The following LOXHD1 variants were observed in gnomAD, a reference collection of about 807,000 sequenced individuals.
The protein encoded by LOXHD1 is lipoxygenase homology PLAT domains 1, also known as lipoxygenase homology domain-containing protein 1.
LOXHD1 carries 205 observed loss-of-function variants against 248.2 expected under a neutral mutation model. The observed-to-expected ratio is 0.83, with a 90% CI of 0.74 to 0.93. The LOEUF (loss-of-function observed/expected upper bound fraction) is 0.93, where lower values mean the gene tolerates loss of function less well. LOXHD1 is among the 40% of genes least tolerant of loss of function. LOXHD1 has a pLI of 0.00. For missense variants in LOXHD1, 2,930 were observed against 2,971.6 expected, an observed-to-expected ratio of 0.99 and a Z score of 0.33; for synonymous variants, 1,113 against 1,162.8, an observed-to-expected ratio of 0.96 and a Z score of 0.87.
chr18:46,529,939 G>C (rs1054305924), intron 28 of LOXHD1, among the ~76,000 whole-genome samples: 1 of 152,120 alleles, frequency 6.6e-6, no homozygotes, highest in Non-Finnish European at 1.5e-5. Flanking sequence ...CATAGGGAGG[G>C]CTCAGTAAAT....
rs2143955034 is a variant in LOXHD1 at position 46,509,693 on chromosome 18, T to C, written c.5517+5A>G. On this transcript the variant is annotated splice_donor_5th_base_variant and intron_variant, in intron 35 of 40. Transcript: ENST00000642948. ...GAAGGAAGAGTGAGGGTCTAGACAT[T>C]TTACCCTCTCCAGGAACCACTCCGG... is the stretch of plus-strand genomic sequence containing the variant. The C allele has an allele frequency of 1.3e-6, 2 of 1,547,942 alleles. No homozygotes were observed. Among genetic ancestry groups the C allele is most frequent in the East Asian group, 2.4e-5 (1 of 40,882 alleles).
At chr18:46,566,525 A>C in intron 16 of LOXHD1, 76 bp from the exon 17 acceptor site, 3 of 1,289,322 alleles carry the variant, frequency 2.3e-6, no homozygotes, top group Non-Finnish European at 2.2e-6. Flanking sequence ...TACCTCCCCA[A>C]ACACCAGCAC....
chr18:46,632,283 T>G (rs551217207), intron 4 of LOXHD1, among the ~76,000 whole-genome samples: 19 of 152,324 alleles, frequency 1.2e-4, no homozygotes, highest in African/African-American at 4.6e-4. Context: ...GGCCTGGCAC[T>G]CTGAGCCATG....
At chr18:46,550,578 T>TAAAAAAAAAAAAAAA (rs1568173687) in intron 21 of LOXHD1, among the ~76,000 whole-genome samples, 1 of 16,290 alleles carries the variant, frequency 6.1e-5, no homozygotes, top group Non-Finnish European at 2.3e-4. Flanking sequence ...AGACTCCGTC[T>TAAAAAAAAAAAAAAA]CAAAAAAAAA....
intron 19 of LOXHD1, 35 bp downstream of exon 19, chr18:46,560,048 T>TGCCTGCCC: frequency 2.0e-5 from 25 of 1,226,296 alleles, no homozygotes; most frequent in African/African-American, 3.3e-5. Context: ...GTCTGGCCAC[T>TGCCTGCCC]CCCTCCCCAC....
At chr18:46,592,297 C>T (rs544760651) in intron 11 of LOXHD1, among the ~76,000 whole-genome samples, 4 of 152,188 alleles carry the variant, frequency 2.6e-5, no homozygotes, top group Admixed American at 6.5e-5. Flanking sequence ...AACACCTGAG[C>T]GTTTTCTTAA....
chr18:46,574,419 A>ACACACACACC (rs1357990413), intron 14 of LOXHD1, among the ~76,000 whole-genome samples: 15 of 148,924 alleles, frequency 1.0e-4, no homozygotes, highest in African/African-American at 3.8e-4. Context: ...ACACACACAC[A>ACACACACACC]CCTGATCCTA....
At chr18:46,630,292 C>G (rs2038803379) in intron 4 of LOXHD1, among the ~76,000 whole-genome samples, 2 of 152,356 alleles carry the variant, frequency 1.3e-5, no homozygotes, top group South Asian at 4.1e-4. Context: ...GAGCCTTCCC[C>G]AGGCAGTATG....
chr18:46,525,008 C>T, intron 29 of LOXHD1, 91 bp from the exon 30 acceptor site: 1 of 1,409,926 alleles, frequency 7.1e-7, no homozygotes, highest in Non-Finnish European at 9.7e-7. Flanking sequence ...CCTTCCCCCT[C>T]AGTTGCTGCA....
chr18:46,511,197 C>T (rs2034938494), intron 34 of LOXHD1, among the ~76,000 whole-genome samples: 1 of 152,178 alleles, frequency 6.6e-6, no homozygotes, highest in African/African-American at 2.4e-5. Flanking sequence ...CCCCAATTAA[C>T]CTGGATGGAC....
intron 20 of LOXHD1, among the ~76,000 whole-genome samples, chr18:46,558,285 G>A (rs2037421141): frequency 6.6e-6 from 1 of 152,142 alleles, no homozygotes; most frequent in African/African-American, 2.4e-5. Context: ...CAGATACCAT[G>A]ATTCTTCATC....
chr18:46,640,333 T>C (rs2038947227), intron 3 of LOXHD1, among the ~76,000 whole-genome samples: 1 of 152,162 alleles, frequency 6.6e-6, no homozygotes, highest in Non-Finnish European at 1.5e-5. Context: ...GCCTCTCCCA[T>C]TGCTGTGAGA....
At chr18:46,485,197 C>G (rs761482340) in intron 38 of LOXHD1, 46 bp from the exon 39 acceptor site, 1 of 1,527,050 alleles carries the variant, frequency 6.5e-7, no homozygotes, top group African/African-American at 1.4e-5. Flanking sequence ...GGAAGCAGTG[C>G]CCGTCTTCAG....
chr18:46,485,920 C>T (rs1282200551), intron 38 of LOXHD1, among the ~76,000 whole-genome samples: 1 of 151,980 alleles, frequency 6.6e-6, no homozygotes, highest in Admixed American at 6.6e-5. Context: ...GTGTGCTCCT[C>T]CCTAGAGCTC....
At chr18:46,501,398 T>C (rs991040898) in intron 37 of LOXHD1, among the ~76,000 whole-genome samples, 15 of 152,214 alleles carry the variant, frequency 9.9e-5, no homozygotes, top group African/African-American at 3.4e-4. Flanking sequence ...AGTGAGTTCA[T>C]TGTTTTAAAA....
At chr18:46,545,576 T>C (rs2144403865) in intron 22 of LOXHD1, among the ~76,000 whole-genome samples, 155 bp from the exon 23 acceptor site, 1 of 151,760 alleles carries the variant, frequency 6.6e-6, no homozygotes, top group Middle Eastern at 3.4e-3. Flanking sequence ...CCTGTATCTG[T>C]GAGCCCAGTG....
chr18:46,484,878 T>C (rs1456176604), intron 39 of LOXHD1, 141 bp downstream of exon 39: 2 of 1,036,616 alleles, frequency 1.9e-6, no homozygotes, highest in Non-Finnish European at 2.8e-6. Flanking sequence ...TTGCACAGGA[T>C]TGGCACACAG....
intron 3 of LOXHD1, among the ~76,000 whole-genome samples, chr18:46,640,165 T>C (rs943856620): frequency 6.6e-6 from 1 of 152,156 alleles, no homozygotes; most frequent in Non-Finnish European, 1.5e-5. Flanking sequence ...TCTCCCACTC[T>C]GGCTCAAGCA....
chr18:46,640,948 C>A (rs893322127), intron 3 of LOXHD1, among the ~76,000 whole-genome samples: 1 of 152,144 alleles, frequency 6.6e-6, no homozygotes, highest in African/African-American at 2.4e-5. Context: ...CAGCACACAA[C>A]CCCAACAGAC....
Sources: gnomAD v4.1 joint callset for allele counts (sites outside exome capture counted in the v4.1 genomes callset) on GRCh38, gnomAD v4.1.1 for gene constraint, MANE v1.5 for transcripts, NCBI Gene and HGNC (gene_info 2026-07-23, HGNC 2026-07-21) for gene names.